The following CDHR2 variants were observed in gnomAD, a reference collection of about 807,000 sequenced individuals.
CDHR2 encodes cadherin-related family member 2.
Under a neutral mutation model 138.6 loss-of-function variants are expected in CDHR2, and 104 were observed. The ratio of observed to expected loss-of-function variants is 0.75; its 90% confidence interval spans 0.64 to 0.88. The LOEUF is 0.88. Ranked by LOEUF, CDHR2 falls within the 40% of genes least tolerant of loss-of-function variation. The probability of loss-of-function intolerance (pLI) is 0.00; values close to 1 mark genes in which losing one functional copy is unlikely to be tolerated. For missense variants in CDHR2, 1,624 were observed against 1,727.6 expected, an observed-to-expected ratio of 0.94 and a Z score of 1.06; for synonymous variants, 755 against 742.8, an observed-to-expected ratio of 1.02 and a Z score of -0.27.
rs138765940 is a variant in CDHR2, at chr5:176,576,026, C to A, written c.1035C>A (p.Asp345Glu). 1.2e-5 allele frequency: 19 copies of A among 1,614,004 alleles called. No individual in the cohort carries two copies. Among genetic ancestry groups the A allele is most frequent in the Non-Finnish European group, 1.6e-5 (19 of 1,180,014 alleles). Residue 345 changes from aspartate (D) to glutamate (E), a missense_variant, in exon 12 of 32, where the codon GAC (aspartate) becomes GAA (glutamate). By Grantham distance (45) the Asp-to-Glu change is conservative. This residue lies in a region of CDHR2 where 1,061 missense variants were observed against 1,136.6 expected (regional missense o/e 0.93). Transcript: ENST00000261944. The surrounding 1 kb of genome is among the most constrained non-coding windows in gnomAD (Gnocchi z 4.5). ...VSIWVTVRVMDVNDHKPEFYN... is the reference protein window; with the variant it reads ...VSIWVTVRVMEVNDHKPEFYN... ...TCTGGGTGACAGTGAGAGTGATGGA[C>A]GTCAATGACCACAAACCTGAGTTTT...
At chr5:176,583,657 G>C (rs1234298304) in intron 17 of CDHR2, among the ~76,000 whole-genome samples, 1 of 152,222 alleles carries the variant, frequency 6.6e-6, no homozygotes, top group Non-Finnish European at 1.5e-5. Flanking sequence ...GTCTGAGGCA[G>C]GAGCAGGTCT....
chr5:176,562,476 T>A (rs1245383453), intron 1 of CDHR2, among the ~76,000 whole-genome samples: 1 of 151,930 alleles, frequency 6.6e-6, no homozygotes, highest in African/African-American at 2.4e-5. Context: ...GAGTTCTGGT[T>A]TTTGATGCTG....
intron 1 of CDHR2, among the ~76,000 whole-genome samples, chr5:176,563,293 A>G (rs910008050): frequency 5.3e-5 from 8 of 152,146 alleles, no homozygotes; most frequent in South Asian, 2.1e-4. Flanking sequence ...GGTTGCAGTG[A>G]GCCGAGATGG....
intron 31 of CDHR2, among the ~76,000 whole-genome samples, chr5:176,593,795 G>A (rs1213935030): frequency 6.6e-6 from 1 of 152,190 alleles, no homozygotes; most frequent in Non-Finnish European, 1.5e-5. Context: ...GCCTCTCTTG[G>A]TCTTTAAAAT....
At chr5:176,577,078 T>G (rs1581142233) in intron 12 of CDHR2, among the ~76,000 whole-genome samples, 3 of 102,288 alleles carry the variant, frequency 2.9e-5, no homozygotes, top group Non-Finnish European at 3.8e-5. Flanking sequence ...GAGTGGTGTT[T>G]GGTGTTGCTG....
At chr5:176,582,005 TTTTA>T (rs1232262117) in intron 17 of CDHR2, among the ~76,000 whole-genome samples, 1 of 152,176 alleles carries the variant, frequency 6.6e-6, no homozygotes, top group Non-Finnish European at 1.5e-5. Context: ...ACCATTTTGT[TTTTA>T]TTTATTTATC....
At position 176,553,431 on chromosome 5, in the gene CDHR2, A is replaced by G. The variant is rs1757753433; in HGVS notation, c.-16+4017A>G. ...GACTGGGAGGAGGGACCCTGAGGGC[A>G]GGAATCTCCTGTCCTGCAGGCTGGA... On this transcript the variant is annotated intron_variant, in intron 1 of 31. Coordinates refer to ENST00000261944, the MANE Select transcript of CDHR2 (RefSeq NM_017675.6). The surrounding 1 kb of genome is among the most constrained non-coding windows in gnomAD (Gnocchi z 4.3). Among the ~76,000 whole-genome samples, 1 of 152,172 alleles carries G rather than the reference A, an allele frequency of 6.6e-6. No individual in the cohort carries two copies. The highest frequency in any genetic ancestry group is 6.5e-5 in the Admixed American group (1 of 15,272).
chr5:176,549,127 C>T (rs919662994), upstream of CDHR2, among the ~76,000 whole-genome samples: 1 of 152,154 alleles, frequency 6.6e-6, no homozygotes, highest in African/African-American at 2.4e-5. Context: ...GGCTCAGGGT[C>T]GGCCAGGCCC....
intron 20 of CDHR2, among the ~76,000 whole-genome samples, chr5:176,586,404 C>A (rs1247453832): frequency 1.3e-5 from 2 of 152,202 alleles, no homozygotes; most frequent in Non-Finnish European, 2.9e-5. Flanking sequence ...TTGTGTTGGC[C>A]AGACTGGTCT....
intron 1 of CDHR2, among the ~76,000 whole-genome samples, chr5:176,557,508 A>G (rs1397844241): frequency 5.4e-5 from 8 of 149,496 alleles, no homozygotes; most frequent in Non-Finnish European, 1.5e-5. Flanking sequence ...GCCTGGCCTC[A>G]TAATTTTTAA....
intron 23 of CDHR2, 22 bp downstream of exon 23, chr5:176,589,460 A>C: frequency 6.2e-7 from 1 of 1,609,908 alleles, no homozygotes; most frequent in Non-Finnish European, 8.5e-7. Flanking sequence ...TCCCACCTCC[A>C]GCCCCCAACG....
rs773752815 is a variant in CDHR2, at chr5:176,590,645, T to C, written c.3497T>C (p.Val1166Ala). Residue 1166 changes from valine (V) to alanine (A), a missense_variant, in exon 28 of 32, where the codon GTC becomes GCC. Physicochemically the swap from Val to Ala is moderately conservative, Grantham distance 64. This residue lies in a region of CDHR2 where 556 missense variants were observed against 565.7 expected (regional missense o/e 0.98). Transcript: ENST00000261944. ...GGATTGGGAGTGGCTTTGCTGCTGGTCCTTGTGATCATGACCATGGCCTTC... is the reference window on the plus strand; with the variant it reads ...GGATTGGGAGTGGCTTTGCTGCTGGCCCTTGTGATCATGACCATGGCCTTC... ...IIGLGVALLLVLVIMTMAFVC... is the reference protein window; with the variant it reads ...IIGLGVALLLALVIMTMAFVC... The C allele has an allele frequency of 2.5e-5, 41 of 1,613,652 alleles. No homozygotes were observed. The Admixed American group carries it at 6.8e-4, about 27-fold the overall frequency.
At chr5:176,548,555 C>T (rs1210514491), upstream of CDHR2, among the ~76,000 whole-genome samples, 2 of 152,242 alleles carry the variant, frequency 1.3e-5, no homozygotes, top group East Asian at 3.9e-4. Flanking sequence ...GCCTGGCCAA[C>T]ATGGTGAAAC....
intron 1 of CDHR2, among the ~76,000 whole-genome samples, chr5:176,558,131 C>T (rs886289054): frequency 1.3e-5 from 2 of 152,032 alleles, no homozygotes; most frequent in Non-Finnish European, 2.9e-5. Flanking sequence ...GAGCCACTGG[C>T]GTATGATGTT....
Position 176,589,026 on chromosome 5 carries a change from C to A in CDHR2, c.2857-5C>A. The A allele has an allele frequency of 1.2e-6, 2 of 1,613,888 alleles. No individual in the cohort carries two copies. Among genetic ancestry groups the A allele is most frequent in the Non-Finnish European group, 8.5e-7 (1 of 1,179,870 alleles). On this transcript the variant is annotated splice_polypyrimidine_tract_variant and splice_region_variant and intron_variant, in intron 21 of 31. Coordinates refer to ENST00000261944, the MANE Select transcript of CDHR2 (RefSeq NM_017675.6). ...CCCCCAGATATTGTCCACTCTTGCTCCCAGGCCAGAGACGATGATTCAGGG... is the reference window on the plus strand; with the variant it reads ...CCCCCAGATATTGTCCACTCTTGCTACCAGGCCAGAGACGATGATTCAGGG...
intron 6 of CDHR2, among the ~76,000 whole-genome samples, chr5:176,573,732 G>A (rs1417680140): frequency 2.6e-5 from 4 of 152,156 alleles, no homozygotes; most frequent in African/African-American, 7.2e-5. Flanking sequence ...TCTGTAGGGC[G>A]CTGTTTGAAA....
Position 176,575,707 on chromosome 5 carries a change from G to A in CDHR2, c.845-17G>A, listed in dbSNP as rs779785679. ...CTGGAGCAGCTGTTCCAGCTGTTCC[G>A]CCTTTCTCCTTGCCAGACTCCACGC... On this transcript the variant is annotated splice_polypyrimidine_tract_variant and intron_variant, in intron 10 of 31. Coordinates refer to ENST00000261944, the MANE Select transcript of CDHR2 (RefSeq NM_017675.6). 16 of 1,588,480 alleles carry A rather than the reference G, an allele frequency of 1.0e-5. No homozygotes were observed. Among genetic ancestry groups the A allele is most frequent in the South Asian group, 4.5e-5 (4 of 88,672 alleles).
At chr5:176,562,662 G>T (rs950663244) in intron 1 of CDHR2, among the ~76,000 whole-genome samples, 5 of 152,136 alleles carry the variant, frequency 3.3e-5, no homozygotes, top group African/African-American at 9.7e-5. Context: ...TATAAATCTA[G>T]AAAAAGAGAG....
chr5:176,580,540 AAAAG>A (rs1463391379), intron 16 of CDHR2, among the ~76,000 whole-genome samples: 32 of 151,394 alleles, frequency 2.1e-4, no homozygotes, highest in African/African-American at 3.9e-4. Context: ...AAAAAAAAAA[AAAAG>A]AAAGAAAGAA....
Sources: allele counts gnomAD v4.1 joint callset (sites outside exome capture counted in the v4.1 genomes callset), GRCh38; gene constraint gnomAD v4.1.1; regional missense constraint gnomAD v4.1.1; non-coding constraint Gnocchi (gnomAD v3.1); transcripts MANE v1.5; gene names NCBI Gene and HGNC (gene_info 2026-07-23, HGNC 2026-07-21).